Variants in CWF19L2 observed in about 807,000 individuals in gnomAD.
The protein encoded by CWF19L2 is CWF19-like protein 2.
In CWF19L2, 98 loss-of-function variants were observed where a neutral mutation model predicts 111.7. That is an observed-to-expected ratio of 0.88 (90% CI 0.75 to 1.04). The LOEUF (loss-of-function observed/expected upper bound fraction) is 1.04, where lower values mean the gene tolerates loss of function less well. CWF19L2 is among the 50% of genes least tolerant of loss of function. The pLI, the probability that CWF19L2 is intolerant of heterozygous loss-of-function variation, is 0.00. For synonymous variants in CWF19L2, 351 were observed against 342.9 expected (o/e 1.02, Z -0.26); for missense variants, 1,101 against 1,051.4 (o/e 1.05, Z -0.65).
chr11:107,457,772 C>A lies in CWF19L2; in HGVS notation c.45G>T (p.Ala15=), dbSNP rs775776967. The change falls in exon 1 of 18, where the codon GCG becomes GCT. Residue 15 remains alanine, a synonymous_variant. Coordinates refer to ENST00000282251, the MANE Select transcript of CWF19L2 (RefSeq NM_152434.3). ...MAAASGRFES[A]KSIEERKEQT... is the part of the protein sequence containing the mutation. ...GTTCTTTCCGCTCTTCGATACTCTT[C>A]GCACTTTCAAATCTACCACTAGCAG... 7.1e-6 allele frequency: 11 copies of A among 1,551,790 alleles called. No homozygotes were observed. Among genetic ancestry groups the A allele is most frequent in the Non-Finnish European group, 9.6e-6 (11 of 1,147,004 alleles).
At chr11:107,411,802 A>G (rs75171109) in intron 10 of CWF19L2, among the ~76,000 whole-genome samples, 1,957 of 152,298 alleles carry the variant, frequency 0.013, 35 homozygotes, top group African/African-American at 0.044. Flanking sequence ...TATGATAATC[A>G]AAGTAAAATA....
chr11:107,440,004 T>C (rs1055233989), intron 5 of CWF19L2, among the ~76,000 whole-genome samples: 1 of 152,178 alleles, frequency 6.6e-6, no homozygotes, highest in African/African-American at 2.4e-5. Context: ...CTAATCACAA[T>C]GCAAGTGTCT....
At chr11:107,367,181 G>T (rs1198626382) in intron 12 of CWF19L2, among the ~76,000 whole-genome samples, 394 of 115,790 alleles carry the variant, frequency 3.4e-3, no homozygotes, top group Middle Eastern at 0.028. Flanking sequence ...GAAACAACAG[G>T]TGCTGGAGAG....
In CWF19L2 at chr11:107,369,725, A is replaced by G. The variant is rs549684459; in HGVS notation, c.1873-15989T>C. Reference sequence around the variant, plus strand: ...CCAACCAAAGAAAATGATTCCAACAAGAAATTATTTTTCAAAGTGGAACTA... The same window carrying G: ...CCAACCAAAGAAAATGATTCCAACAGGAAATTATTTTTCAAAGTGGAACTA... On this transcript the variant is annotated intron_variant, in intron 12 of 17. Coordinates refer to ENST00000282251, the MANE Select transcript of CWF19L2 (RefSeq NM_152434.3). Among the ~76,000 whole-genome samples the G allele has an allele frequency of 2.2e-5, 3 of 138,696 alleles. 1 individual carries two copies. In the South Asian group the frequency reaches 7.3e-4, roughly 34 times the overall value. The allele number at this position is 138,696 out of a possible 152,430, so 91.0% of individuals were successfully genotyped here.
chr11:107,330,720 C>A (rs1022980924), intron 16 of CWF19L2, among the ~76,000 whole-genome samples: 2 of 149,808 alleles, frequency 1.3e-5, no homozygotes, highest in Admixed American at 6.7e-5. Context: ...GGAAAAGCCA[C>A]AAATTCTTGT....
chr11:107,432,741 T>C (rs994734209), intron 7 of CWF19L2, among the ~76,000 whole-genome samples: 2 of 152,254 alleles, frequency 1.3e-5, no homozygotes, highest in Non-Finnish European at 2.9e-5. Context: ...GATTTGCTCA[T>C]TCTTTCTGTA....
At chr11:107,355,982 A>C (rs1423488932) in intron 12 of CWF19L2, among the ~76,000 whole-genome samples, 1 of 152,242 alleles carries the variant, frequency 6.6e-6, no homozygotes. Context: ...ATTCTGGGTC[A>C]TAGCACAAGT....
At chr11:107,348,169 A>G (rs1194137252) in intron 14 of CWF19L2, among the ~76,000 whole-genome samples, 1 of 152,172 alleles carries the variant, frequency 6.6e-6, no homozygotes, top group Non-Finnish European at 1.5e-5. Context: ...CCATCAAAAC[A>G]TCTCTTCTTT....
chr11:107,385,793 G>A (rs1860756273), intron 12 of CWF19L2, among the ~76,000 whole-genome samples: 1 of 152,242 alleles, frequency 6.6e-6, no homozygotes, highest in Non-Finnish European at 1.5e-5. Flanking sequence ...CCTTTGTCCA[G>A]CACAACCATG....
intron 16 of CWF19L2, among the ~76,000 whole-genome samples, chr11:107,332,928 T>A (rs1220802846): frequency 1.3e-5 from 2 of 152,102 alleles, no homozygotes; most frequent in East Asian, 3.9e-4. Flanking sequence ...GAGACCAGCC[T>A]GACCAACATG....
At position 107,457,707 on chromosome 11, in the gene CWF19L2, G is replaced by A. The variant is rs564945773; in HGVS notation, c.105+5C>T. On this transcript the variant is annotated splice_donor_5th_base_variant and intron_variant, in intron 1 of 17. Coordinates refer to ENST00000282251, the MANE Select transcript of CWF19L2 (RefSeq NM_152434.3). ...ATAACTACAAAAGCCCCAAAACAGAGGTACCTGGCGCAACACCTCGGCCCT... is the reference window on the plus strand; with the variant it reads ...ATAACTACAAAAGCCCCAAAACAGAAGTACCTGGCGCAACACCTCGGCCCT... 1,087 of 1,547,500 alleles carry A rather than the reference G, an allele frequency of 7.0e-4. 19 individuals carry two copies. The South Asian group carries it at 0.012, about 18-fold the overall frequency.
At chr11:107,340,579 C>A (rs1019478094) in intron 14 of CWF19L2, among the ~76,000 whole-genome samples, 1 of 152,194 alleles carries the variant, frequency 6.6e-6, no homozygotes, top group Non-Finnish European at 1.5e-5. Flanking sequence ...ATGTAATAAT[C>A]TTGCTTATTA....
At chr11:107,419,013 A>G (rs916421543) in intron 8 of CWF19L2, among the ~76,000 whole-genome samples, 44 of 152,224 alleles carry the variant, frequency 2.9e-4, no homozygotes, top group African/African-American at 1.0e-3. Context: ...AGAACAGAGT[A>G]CCAAAGAAGC....
rs536551290 is a variant in CWF19L2, at chr11:107,393,004, G to A, written c.1618-109C>T. ...ATGATTAACGTTTCCACATAACGTT[G>A]TGGATTGCCTTAAATCTCCTGGATT... On this transcript the variant is annotated intron_variant, in intron 10 of 17. Coordinates refer to ENST00000282251, the MANE Select transcript of CWF19L2 (RefSeq NM_152434.3). 2.4e-5 allele frequency: 16 copies of A among 660,936 alleles called. No homozygotes were observed. The East Asian group carries it at 5.0e-4, about 21-fold the overall frequency. 40.9% of individuals were successfully genotyped at this position (660,936 alleles called of 1,614,324 possible). A position where few individuals can be genotyped will look rare whatever the true frequency, so the allele number is the denominator to read the frequency against.
At chr11:107,370,550 A>G (rs1266832420) in intron 12 of CWF19L2, among the ~76,000 whole-genome samples, 1 of 15,520 alleles carries the variant, frequency 6.4e-5, no homozygotes, top group South Asian at 8.6e-4. Flanking sequence ...TCTTCAAGGG[A>G]AAAAAAAAAA....
At chr11:107,406,520 A>T (rs1861080313) in intron 10 of CWF19L2, among the ~76,000 whole-genome samples, 1 of 152,176 alleles carries the variant, frequency 6.6e-6, no homozygotes, top group Non-Finnish European at 1.5e-5. Flanking sequence ...GCTACTATTT[A>T]ATTTGTACAA....
intron 12 of CWF19L2, among the ~76,000 whole-genome samples, chr11:107,379,176 C>G (rs1295776886): frequency 6.6e-6 from 1 of 152,210 alleles, no homozygotes; most frequent in Non-Finnish European, 1.5e-5. Flanking sequence ...TGAAAAGGAT[C>G]TGGCACCTAG....
At chr11:107,352,541 A>G (rs1335906886) in intron 13 of CWF19L2, among the ~76,000 whole-genome samples, 1 of 152,332 alleles carries the variant, frequency 6.6e-6, no homozygotes, top group African/African-American at 2.4e-5. Context: ...GAATGAACAT[A>G]ACTCTTATTT....
chr11:107,405,613 C>T (rs1242610913), intron 10 of CWF19L2, among the ~76,000 whole-genome samples: 1 of 151,906 alleles, frequency 6.6e-6, no homozygotes, highest in African/African-American at 2.4e-5. Flanking sequence ...AGGACAAATA[C>T]ATGAAACAAC....
Sources: gnomAD v4.1 joint callset for allele counts (sites outside exome capture counted in the v4.1 genomes callset) on GRCh38, gnomAD v4.1.1 for gene constraint, MANE v1.5 for transcripts, NCBI Gene and HGNC (gene_info 2026-07-23, HGNC 2026-07-21) for gene names.